TMEM216: variants seen among roughly 807,000 people sequenced by gnomAD.
The protein encoded by TMEM216 is cerebello-oculo-renal syndrome 2.
TMEM216 carries 15 observed loss-of-function variants against 17.8 expected under a neutral mutation model. That is an observed-to-expected ratio of 0.84 (90% CI 0.56 to 1.30). The LOEUF is 1.30. TMEM216 is among the 50% of genes most tolerant of loss of function. The probability of loss-of-function intolerance (pLI) is 0.00; values close to 1 mark genes in which losing one functional copy is unlikely to be tolerated. For missense variants in TMEM216, 160 were observed against 175.7 expected (o/e 0.91, Z 0.51); for synonymous variants, 58 against 73.5 (o/e 0.79, Z 1.08).
rs1285011982 is a variant in TMEM216 at position 61,393,915 on chromosome 11, A to G, written c.168A>G (p.Leu56=). The G allele has an allele frequency of 1.2e-6, 2 of 1,613,950 alleles. No individual in the cohort carries two copies. The highest frequency in any genetic ancestry group is 1.7e-6 in the Non-Finnish European group (2 of 1,179,860). ...TGCTACCATATCCAACAGCTAACCT[A>G]GTACTGGATGTGGTGATGCTCCTCC... The part of the protein sequence containing the change: ...GVLLPYPTAN[L]VLDVVMLLLY... The change falls in exon 3 of 5, where the codon CTA becomes CTG. Residue 56 remains leucine (L), a synonymous_variant. Transcript: ENST00000515837.
At chr11:61,394,917 G>A (rs1312984311) in intron 3 of TMEM216, among the ~76,000 whole-genome samples, 2 of 152,138 alleles carry the variant, frequency 1.3e-5, no homozygotes, top group Non-Finnish European at 2.9e-5. Flanking sequence ...CACCCGCCTT[G>A]GCCTCCCAAA....
intron 3 of TMEM216, among the ~76,000 whole-genome samples, chr11:61,395,728 CAAA>C: frequency 9.1e-6 from 1 of 110,104 alleles, no homozygotes; most frequent in South Asian, 2.9e-4. Context: ...AAGTGAGACT[CAAA>C]AAAAAAAAAA....
At chr11:61,396,957 T>TCC (rs1858814122) in intron 3 of TMEM216, among the ~76,000 whole-genome samples, 2 of 151,086 alleles carry the variant, frequency 1.3e-5, no homozygotes, top group African/African-American at 4.9e-5. Flanking sequence ...TTAAGGTAGC[T>TCC]ATGTGTGTGG....
intron 3 of TMEM216, among the ~76,000 whole-genome samples, chr11:61,395,107 G>A (rs569387975): frequency 3.9e-5 from 6 of 152,294 alleles, no homozygotes; most frequent in African/African-American, 1.4e-4. Flanking sequence ...CTCCTGAGTA[G>A]CTGGGACCAC....
Position 61,393,930 on chromosome 11 carries a change from G to T in TMEM216, c.183G>T (p.Val61=). The change falls in exon 3 of 5, where the codon GTG becomes GTT. Residue 61 remains valine (V), a synonymous_variant. Coordinates refer to ENST00000515837, the MANE Select transcript of TMEM216 (RefSeq NM_001173990.3). ...YPTANLVLDV[V]MLLLYLGIEV... is the part of the protein sequence containing the mutation. ...CAGCTAACCTAGTACTGGATGTGGT[G>T]ATGCTCCTCCTTTATCTTGGAATTG... 1 of 1,614,014 alleles carries T rather than the reference G, an allele frequency of 6.2e-7. No homozygotes were observed. The highest frequency in any genetic ancestry group is 8.5e-7 in the Non-Finnish European group (1 of 1,179,886).
intron 3 of TMEM216, among the ~76,000 whole-genome samples, chr11:61,396,793 TA>T (rs763732273): frequency 3.0e-3 from 371 of 123,570 alleles, no homozygotes; most frequent in Admixed American, 2.9e-3. Flanking sequence ...TCCGTCTCAA[TA>T]AAAAAAAAAA....
chr11:61,393,955 G>A lies in TMEM216; in HGVS notation c.208G>A (p.Glu70Lys). ...VVMLLLYLGI[E>K]VIRLFFGTKG... ...GATGCTCCTCCTTTATCTTGGAATTGAAGTAATTCGCCTGTTTTTTGGTAA... is the reference window on the plus strand; with the variant it reads ...GATGCTCCTCCTTTATCTTGGAATTAAAGTAATTCGCCTGTTTTTTGGTAA... The change falls in exon 3 of 5, where the codon GAA becomes AAA. Residue 70 changes from glutamate (E) to lysine (K), a missense_variant. Transcript: ENST00000515837. The A allele has an allele frequency of 6.2e-7, 1 of 1,613,978 alleles. No individual in the cohort carries two copies. The highest frequency in any genetic ancestry group is 8.5e-7 in the Non-Finnish European group (1 of 1,179,874).
rs1160881982 is a variant in TMEM216, at chr11:61,397,605, T to C, written c.230-169T>C. ...GATTAAGTGACTTTAATCTTGTAGC[T>C]CTCCTAAGCCTCAAACTTTTAGTAC... On this transcript the variant is annotated intron_variant, in intron 3 of 4. Coordinates refer to ENST00000515837, the MANE Select transcript of TMEM216 (RefSeq NM_001173990.3). 3 of 559,898 alleles carry C rather than the reference T, an allele frequency of 5.4e-6. No homozygotes were observed. The African/African-American group carries it at 5.6e-5, about 10-fold the overall frequency. 34.7% of individuals were successfully genotyped at this position (559,898 alleles called of 1,614,324 possible).
At chr11:61,397,425 C>T (rs1350451958) in intron 3 of TMEM216, among the ~76,000 whole-genome samples, 1 of 152,034 alleles carries the variant, frequency 6.6e-6, no homozygotes, top group Non-Finnish European at 1.5e-5. Flanking sequence ...CCTTGGCCTC[C>T]CAAAGCGCTG....
intron 2 of TMEM216, among the ~76,000 whole-genome samples, chr11:61,393,588 C>A (rs1169661905): frequency 6.6e-6 from 1 of 152,178 alleles, no homozygotes; most frequent in Non-Finnish European, 1.5e-5. Context: ...TGCTGAGCTC[C>A]ACTGTAAGCC....
intron 3 of TMEM216, among the ~76,000 whole-genome samples, chr11:61,395,150 GT>G (rs906902907): frequency 6.4e-4 from 97 of 151,976 alleles, no homozygotes; most frequent in African/African-American, 2.3e-3. Flanking sequence ...CTAATTTTGT[GT>G]TTTTTGTAGA....
At chr11:61,398,193 T>C in intron 4 of TMEM216, 77 bp from the exon 5 acceptor site, 1 of 1,568,462 alleles carries the variant, frequency 6.4e-7, no homozygotes, top group Non-Finnish European at 8.7e-7. Context: ...AGGCTTGGAA[T>C]ATAGAACAGT....
chr11:61,393,043 A>C (rs1858710650), intron 1 of TMEM216, 188 bp from the exon 2 acceptor site: 1 of 444,496 alleles, frequency 2.2e-6, no homozygotes, highest in Admixed American at 6.4e-5. Context: ...TTCCTAGGAA[A>C]GGAGGGAAGC....
chr11:61,396,050 C>T (rs904948547), intron 3 of TMEM216, among the ~76,000 whole-genome samples: 2 of 151,992 alleles, frequency 1.3e-5, no homozygotes, highest in Non-Finnish European at 2.9e-5. Context: ...CACAGATATG[C>T]GAAGATAGCT....
rs1590641170 is a variant in TMEM216 at position 61,392,661 on chromosome 11, G to A, written c.30G>A (p.Pro10=). 1 of 1,534,054 alleles carries A rather than the reference G, an allele frequency of 6.5e-7. No homozygotes were observed. Among genetic ancestry groups the A allele is most frequent in the East Asian group, 2.5e-5 (1 of 40,714 alleles). ...TGCCACGGGGACTGAAGATGGCGCC[G>A]CGAGGTGAGATTCCGGAGGTGTGTG... MLPRGLKMA[P]RGKRLSSTPL... The change falls in exon 1 of 5, where the codon CCG becomes CCA. Residue 10 remains proline (P), a synonymous_variant. Transcript: ENST00000515837.
chr11:61,397,976 G>A lies in TMEM216; in HGVS notation c.431+1G>A. ...TGCTCACCTTGGCTGCTTTCTCCAGGTACTGCTGCTGAGGGACCATTTCTC... is the reference window on the plus strand; with the variant it reads ...TGCTCACCTTGGCTGCTTTCTCCAGATACTGCTGCTGAGGGACCATTTCTC... On this transcript the variant is annotated splice_donor_variant, in intron 4 of 4. Coordinates refer to ENST00000515837, the MANE Select transcript of TMEM216 (RefSeq NM_001173990.3). LOFTEE classifies it high-confidence loss of function. 1 of 1,613,506 alleles carries A rather than the reference G, an allele frequency of 6.2e-7. No individual in the cohort carries two copies. Among genetic ancestry groups the A allele is most frequent in the Non-Finnish European group, 8.5e-7 (1 of 1,179,854 alleles).
At chr11:61,398,243 T>C in intron 4 of TMEM216, 27 bp from the exon 5 acceptor site, 1 of 1,530,944 alleles carries the variant, frequency 6.5e-7, no homozygotes, top group Non-Finnish European at 8.7e-7. Flanking sequence ...TTTAACATTT[T>C]CTTTCTTTCT....
chr11:61,398,336 T>C lies in TMEM216; in HGVS notation c.*60T>C, dbSNP rs567835239. Reference sequence around the variant, plus strand: ...ACACCACACATATTGCTTCTGGTACTTTAGCCACACCAGTGAGAATTGGTG... The same window carrying C: ...ACACCACACATATTGCTTCTGGTACCTTAGCCACACCAGTGAGAATTGGTG... On this transcript the variant is annotated 3_prime_UTR_variant, in exon 5 of 5. Coordinates refer to ENST00000515837, the MANE Select transcript of TMEM216 (RefSeq NM_001173990.3). 7.6e-6 allele frequency: 12 copies of C among 1,573,970 alleles called. 1 individual carries two copies. In the African/African-American group the frequency reaches 1.5e-4, roughly 19 times the overall value.
intron 4 of TMEM216, 83 bp downstream of exon 4, chr11:61,398,058 T>TA: frequency 6.5e-7 from 1 of 1,546,776 alleles, no homozygotes; most frequent in Non-Finnish European, 8.9e-7. Flanking sequence ...TTCTGAAGCC[T>TA]AAGGGGTCTA....
Sources: gnomAD v4.1 joint callset for allele counts (sites outside exome capture counted in the v4.1 genomes callset) on GRCh38, gnomAD v4.1.1 for gene constraint, MANE v1.5 for transcripts, NCBI Gene and HGNC (gene_info 2026-07-23, HGNC 2026-07-21) for gene names.